Variants in TPP1 observed in about 807,000 individuals in gnomAD.
TPP1 encodes the protein tripeptidyl peptidase 1, also known as tripeptidyl-peptidase 1.
In TPP1, 43 loss-of-function variants were observed where a neutral mutation model predicts 67.6. That is an observed-to-expected ratio of 0.64 (90% CI 0.50 to 0.82). TPP1 has a LOEUF of 0.82. TPP1 is among the 40% of genes least tolerant of loss of function. The pLI, the probability that TPP1 is intolerant of heterozygous loss-of-function variation, is 0.00. For missense variants in TPP1, 671 were observed against 710.9 expected, an observed-to-expected ratio of 0.94 and a Z score of 0.64; for synonymous variants, 272 against 281.5, an observed-to-expected ratio of 0.97 and a Z score of 0.34.
intron 3 of TPP1, 99 bp from the exon 4 acceptor site, chr11:6,617,875 G>A: frequency 6.4e-7 from 1 of 1,556,150 alleles, no homozygotes; most frequent in Middle Eastern, 1.7e-4. Context: ...CCCAAAGCCT[G>A]GAACAGGGTA....
At chr11:6,619,123 G>C (rs1855630594) in intron 2 of TPP1, 73 bp downstream of exon 2, 1 of 1,580,160 alleles carries the variant, frequency 6.3e-7, no homozygotes, top group Non-Finnish European at 8.6e-7. Flanking sequence ...GGGGGTGAGA[G>C]AAGCTAGGAC....
chr11:6,615,663 G>A, intron 9 of TPP1, 101 bp from the exon 10 acceptor site: 5 of 1,466,682 alleles, frequency 3.4e-6, no homozygotes, highest in Non-Finnish European at 4.7e-6. Flanking sequence ...GGAGGAACTA[G>A]ACTCTGTGGG....
At chr11:6,617,890 A>G in intron 3 of TPP1, 114 bp from the exon 4 acceptor site, 2 of 1,456,314 alleles carry the variant, frequency 1.4e-6, no homozygotes, top group South Asian at 2.3e-5. Flanking sequence ...AGGGTAAAGG[A>G]GGGCTATGTG....
At chr11:6,617,508 C>T in intron 4 of TPP1, 80 bp from the exon 5 acceptor site, 3 of 1,612,708 alleles carry the variant, frequency 1.9e-6, no homozygotes, top group Non-Finnish European at 1.7e-6. Flanking sequence ...GGCAGTCAGT[C>T]ACTGTCTCCC....
chr11:6,615,108 T>A, intron 11 of TPP1, 63 bp downstream of exon 11: 3 of 1,613,910 alleles, frequency 1.9e-6, no homozygotes, highest in Non-Finnish European at 1.7e-6. Flanking sequence ...GTGCAAGGTG[T>A]TCAAGGTGTT....
At position 6,614,921 on chromosome 11, in the gene TPP1, G is replaced by A. The variant is rs773707856; in HGVS notation, c.1496C>T (p.Pro499Leu). The A allele has an allele frequency of 2.5e-6, 4 of 1,614,142 alleles. No individual in the cohort carries two copies. The highest frequency in any genetic ancestry group is 1.1e-5 in the South Asian group (1 of 91,088). Residue 499 changes from proline to leucine, a missense_variant, in exon 12 of 13, where the codon CCT (proline) becomes CTT (leucine). By Grantham distance (98) the Pro-to-Leu change is moderately conservative. Transcript: ENST00000299427. ...NEHRILSGRPPLGFLNPRLYQ... is the reference protein window; with the variant it reads ...NEHRILSGRPLLGFLNPRLYQ... ...GAGCCTTGGGTTGAGAAAGCCAAGA[G>A]GGGGGCGGCCACTAAGGATCCTGTG...
At chr11:6,615,077 C>G (rs192681652) in intron 11 of TPP1, 86 bp from the exon 12 acceptor site, 2 of 1,613,400 alleles carry the variant, frequency 1.2e-6, no homozygotes, top group East Asian at 2.2e-5. Context: ...TCAGACATCT[C>G]TAAGGAGTCA....
chr11:6,617,806 T>TC, intron 3 of TPP1, 30 bp from the exon 4 acceptor site: 4 of 1,614,078 alleles, frequency 2.5e-6, no homozygotes, highest in Non-Finnish European at 3.4e-6. Flanking sequence ...GCACTTGCCC[T>TC]CATTCATTGC....
rs754243461 is a variant in TPP1, at chr11:6,615,269, T to G, written c.1327A>C (p.Asn443His). The change falls in exon 11 of 13, where the codon AAT becomes CAT. Residue 443 changes from asparagine (N) to histidine (H), a missense_variant. Asn to His is a moderately conservative substitution (Grantham distance 68). Coordinates refer to ENST00000299427, the MANE Select transcript of TPP1 (RefSeq NM_000391.4). The part of the protein sequence containing the change: ...SPHLPPSSYF[N>H]ASGRAYPDVA... ...TCTGGGTAGGCACGGCCACTGGCATTGAAGTAACTGGATGGTGGCAGGTGG... is the reference window on the plus strand; with the variant it reads ...TCTGGGTAGGCACGGCCACTGGCATGGAAGTAACTGGATGGTGGCAGGTGG... The G allele has an allele frequency of 6.2e-7, 1 of 1,613,996 alleles. No homozygotes were observed. Among genetic ancestry groups the G allele is most frequent in the African/African-American group, 1.3e-5 (1 of 74,884 alleles).
rs145224171 is a variant in TPP1, at chr11:6,617,149, C to T, written c.513G>A (p.Gly171=). The T allele has an allele frequency of 6.2e-7, 1 of 1,614,080 alleles. No homozygotes were observed. The highest frequency in any genetic ancestry group is 8.5e-7 in the Non-Finnish European group (1 of 1,179,996). The stretch of plus-strand genomic sequence containing the variant: ...ATGTTGGGGGAAAACGGTGCAGTCC[C>T]CCCACTGTAGGGAGAAGTCAGGCTT... ...QALAPHVDFV[G]GLHRFPPTSS... The change falls in exon 6 of 13, where the codon GGG becomes GGA. Residue 171 remains glycine, a synonymous_variant. Coordinates refer to ENST00000299427, the MANE Select transcript of TPP1 (RefSeq NM_000391.4).
chr11:6,618,028 G>T, intron 3 of TPP1: 1 of 565,948 alleles, frequency 1.8e-6, no homozygotes, highest in South Asian at 2.0e-5. Flanking sequence ...AGCATGTATT[G>T]CCATGATCAT....
rs121908202 is a variant in TPP1, at chr11:6,615,172, G to A, written c.1424C>T (p.Ser475Leu). Reference sequence around the variant, plus strand: ...GTTTGGAGATGGGCTGATTCTCACCGAGGTTCCGGACACCCATGGAATGGG... The same window carrying A: ...GTTTGGAGATGGGCTGATTCTCACCAAGGTTCCGGACACCCATGGAATGGG... ...RVPIPWVSGT[S>L]ASTPVFGGIL... The change falls in exon 11 of 13, where the codon TCG (serine) becomes TTG (leucine). Residue 475 changes from serine to leucine, a missense_variant and splice_region_variant. Ser to Leu is a moderately radical substitution (Grantham distance 145). Transcript: ENST00000299427. 9.3e-6 allele frequency: 15 copies of A among 1,614,162 alleles called. No individual in the cohort carries two copies. The highest frequency in any genetic ancestry group is 4.4e-5 in the South Asian group (4 of 91,072).
In TPP1 at chr11:6,616,418, G is replaced by A. The variant is rs929589440; in HGVS notation, c.972C>T (p.Ser324=). The A allele has an allele frequency of 1.2e-6, 2 of 1,613,920 alleles. No homozygotes were observed. Among genetic ancestry groups the A allele is most frequent in the Admixed American group, 1.7e-5 (1 of 60,016 alleles). ...TGAGGGAGTCCTCATCATCTCCATA[G>A]CTCACAGTATGCACATGTGGCAGGG... ...ESALPHVHTV[S]YGDDEDSLSS... is the part of the protein sequence containing the mutation. The change falls in exon 8 of 13, where the codon AGC becomes AGT. Residue 324 remains serine, a synonymous_variant. Coordinates refer to ENST00000299427, the MANE Select transcript of TPP1 (RefSeq NM_000391.4).
In TPP1 at chr11:6,612,957, A is replaced by G. The variant is rs1855519655; in HGVS notation, c.*1589T>C. On this transcript the variant is annotated 3_prime_UTR_variant, in exon 13 of 13. Coordinates refer to ENST00000299427, the MANE Select transcript of TPP1 (RefSeq NM_000391.4). ...TGCTAGAGGTAGGCACAGGGGGCGC[A>G]GTGCAAGGGAGGAAGGGCGTTAACA... 6.5e-6 allele frequency: 1 copy of G among 152,792 alleles called. No homozygotes were observed. The highest frequency in any genetic ancestry group is 1.9e-4 in the East Asian group (1 of 5,188). The allele number at this position is 152,792 out of a possible 1,614,324, so 9.5% of individuals were successfully genotyped here. A position where few individuals can be genotyped will look rare whatever the true frequency, so the allele number is the denominator to read the frequency against.
Position 6,616,093 on chromosome 11 carries a change from A to C in TPP1, c.1076-19T>G, listed in dbSNP as rs1482034301. 6.2e-7 allele frequency: 1 copy of C among 1,614,098 alleles called. No homozygotes were observed. Among genetic ancestry groups the C allele is most frequent in the Non-Finnish European group, 8.5e-7 (1 of 1,179,952 alleles). ...CTGTCACCTGAGAGAGACCAAGTGT[A>C]GCATTCATATTAATTGGTTAGGGCT... On this transcript the variant is annotated intron_variant, in intron 8 of 12. Coordinates refer to ENST00000299427, the MANE Select transcript of TPP1 (RefSeq NM_000391.4).
chr11:6,617,060 G>T lies in TPP1; in HGVS notation c.602C>A (p.Thr201Asn). The T allele has an allele frequency of 6.2e-7, 1 of 1,614,146 alleles. No individual in the cohort carries two copies. The change falls in exon 6 of 13, where the codon ACC becomes AAC. Residue 201 changes from threonine (T) to asparagine (N), a missense_variant. Thr to Asn is a moderately conservative substitution (Grantham distance 65). Coordinates refer to ENST00000299427, the MANE Select transcript of TPP1 (RefSeq NM_000391.4). Reference sequence around the variant, plus strand: ...GTATCGCTTACGGATCACAGAGGGGGTTACCCCCAGATGCAGGCCTACAGT... The same window carrying T: ...GTATCGCTTACGGATCACAGAGGGGTTTACCCCCAGATGCAGGCCTACAGT... ...TGTVGLHLGVTPSVIRKRYNL... is the reference protein window; with the variant it reads ...TGTVGLHLGVNPSVIRKRYNL...
chr11:6,618,205 C>G, intron 3 of TPP1: 1 of 346,548 alleles, frequency 2.9e-6, no homozygotes, highest in Non-Finnish European at 5.5e-6. Context: ...CTGCCATGCA[C>G]ACTAGTGTCA....
chr11:6,617,687 C>T lies in TPP1; in HGVS notation c.319G>A (p.Gly107Arg), dbSNP rs201613668. Reference protein sequence around the residue: ...HTVQKWLLAAGAQKCHSVITQ... With the variant: ...HTVQKWLLAARAQKCHSVITQ... Reference sequence around the variant, plus strand: ...ATCACAGAATGGCACTTCTGGGCTCCGGCTGCCAAGAGCCATTTTTGCACC... The same window carrying T: ...ATCACAGAATGGCACTTCTGGGCTCTGGCTGCCAAGAGCCATTTTTGCACC... Residue 107 changes from glycine to arginine, a missense_variant, in exon 4 of 13, where the codon GGA (glycine) becomes AGA (arginine). Physicochemically the swap from Gly to Arg is moderately radical, Grantham distance 125. Coordinates refer to ENST00000299427, the MANE Select transcript of TPP1 (RefSeq NM_000391.4). 6.1e-5 allele frequency: 99 copies of T among 1,614,088 alleles called. No individual in the cohort carries two copies. The highest frequency in any genetic ancestry group is 4.5e-4 in the African/African-American group (34 of 74,910).
chr11:6,617,253 G>A (rs1035429112), intron 5 of TPP1, 48 bp downstream of exon 5: 1 of 1,613,724 alleles, frequency 6.2e-7, no homozygotes, highest in Non-Finnish European at 8.5e-7. Flanking sequence ...AACTTCCTCA[G>A]CCCCTGGATC....
Sources: allele counts gnomAD v4.1 joint callset, GRCh38; gene constraint gnomAD v4.1.1; transcripts MANE v1.5; gene names NCBI Gene and HGNC (gene_info 2026-07-23, HGNC 2026-07-21).